Variants in BABAM2 observed in about 807,000 individuals in gnomAD.
The protein encoded by BABAM2 is BRISC and BRCA1 A complex member 2, also known as BRISC and BRCA1-A complex member 2.
Under a neutral mutation model 54.7 loss-of-function variants are expected in BABAM2, and 31 were observed. That is an observed-to-expected ratio of 0.57 (90% CI 0.43 to 0.77). The LOEUF is 0.77. Among genes scored for constraint, BABAM2 ranks in the 30% least tolerant of loss-of-function variants. The probability of loss-of-function intolerance (pLI) is 0.00; values close to 1 mark genes in which losing one functional copy is unlikely to be tolerated. For synonymous variants in BABAM2, 167 were observed against 162.9 expected (o/e 1.03, Z -0.19); for missense variants, 364 against 455.8 (o/e 0.80, Z 1.83).
At chr2:27,894,729 A>G in intron 2 of BABAM2, 45 bp downstream of exon 2, 2 of 1,607,872 alleles carry the variant, frequency 1.2e-6, no homozygotes, top group Non-Finnish European at 1.7e-6. Context: ...AACCAATTCA[A>G]CCTTTACCTA....
chr2:28,136,313 T>C (rs1047107398), intron 7 of BABAM2, among the ~76,000 whole-genome samples: 1 of 152,358 alleles, frequency 6.6e-6, no homozygotes, highest in Non-Finnish European at 1.5e-5. Context: ...ACTTTTTCCC[T>C]GTGTTTATGC....
chr2:28,136,677 T>C (rs1462950987), intron 7 of BABAM2, among the ~76,000 whole-genome samples: 1 of 152,168 alleles, frequency 6.6e-6, no homozygotes, highest in African/African-American at 2.4e-5. Context: ...ATGACTTTGA[T>C]CTTCTGTGAC....
At position 28,177,876 on chromosome 2, in the gene BABAM2, T is replaced by C. The variant is rs180987808; in HGVS notation, c.680+48496T>C. Among the ~76,000 whole-genome samples, 10 of 151,918 alleles carry C rather than the reference T, an allele frequency of 6.6e-5. No homozygotes were observed. The East Asian group carries it at 1.9e-3, about 29-fold the overall frequency. On this transcript the variant is annotated intron_variant, in intron 7 of 11. Coordinates refer to ENST00000379624, the MANE Select transcript of BABAM2 (RefSeq NM_199191.3). ...AATATCAGATAAAACAGACTTTAAGTGAGAAACAGTAAGAAGAGATAAAGA... is the reference window on the plus strand; with the variant it reads ...AATATCAGATAAAACAGACTTTAAGCGAGAAACAGTAAGAAGAGATAAAGA...
intron 6 of BABAM2, among the ~76,000 whole-genome samples, chr2:28,085,224 T>C (rs1210925127): frequency 6.6e-6 from 1 of 152,184 alleles, no homozygotes; most frequent in Admixed American, 6.5e-5. Flanking sequence ...AATACATAAA[T>C]GTAAATTGTT....
chr2:28,164,118 A>G (rs2147822360), intron 7 of BABAM2, among the ~76,000 whole-genome samples: 1 of 152,364 alleles, frequency 6.6e-6, no homozygotes, highest in South Asian at 2.1e-4. Context: ...AGGGATGGAA[A>G]GACAGTGCTA....
chr2:28,239,127 C>T (rs1249014464), intron 8 of BABAM2, among the ~76,000 whole-genome samples: 1 of 152,166 alleles, frequency 6.6e-6, no homozygotes, highest in East Asian at 1.9e-4. Context: ...TTAAACAAAG[C>T]CACTTAAGCA....
chr2:28,081,994 A>G lies in BABAM2; in HGVS notation c.570+36195A>G, dbSNP rs148809417. 7.2e-3 allele frequency among the ~76,000 whole-genome samples: 1,097 copies of G among 152,352 alleles called. 3 individuals are homozygous for G. Among genetic ancestry groups the G allele is most frequent in the Non-Finnish European group, 0.012 (842 of 68,040 alleles). On this transcript the variant is annotated intron_variant, in intron 6 of 11. Coordinates refer to ENST00000379624, the MANE Select transcript of BABAM2 (RefSeq NM_199191.3). ...GCTTTTTAATAATAAATTATTAGTA[A>G]TGAAGTGGAGACAACTTAGAGTTGA...
intron 3 of BABAM2, among the ~76,000 whole-genome samples, chr2:27,983,982 G>T (rs1672216538): frequency 2.5e-5 from 1 of 39,892 alleles, no homozygotes; most frequent in Non-Finnish European, 5.3e-5. Flanking sequence ...TCTTGCTAGA[G>T]CCTCCAGTAT....
intron 4 of BABAM2, among the ~76,000 whole-genome samples, chr2:27,989,420 G>A (rs949259867): frequency 5.9e-5 from 9 of 152,128 alleles, no homozygotes; most frequent in South Asian, 2.1e-4. Flanking sequence ...ATTTCAGGTG[G>A]GGGAATGACA....
At chr2:28,011,187 A>G (rs1215759220) in intron 4 of BABAM2, among the ~76,000 whole-genome samples, 1 of 152,168 alleles carries the variant, frequency 6.6e-6, no homozygotes, top group Non-Finnish European at 1.5e-5. Context: ...GAAACAATGG[A>G]TGTTTACTAA....
chr2:28,145,240 A>G (rs569091703), intron 7 of BABAM2, among the ~76,000 whole-genome samples: 2 of 152,354 alleles, frequency 1.3e-5, no homozygotes, highest in Admixed American at 1.3e-4. Context: ...GATGCCCTGC[A>G]TGTTCTTATA....
In BABAM2 at chr2:28,006,667, AG is replaced by A. The variant is rs1673997938; in HGVS notation, c.301-18558del. On this transcript the variant is annotated intron_variant, in intron 4 of 11. Coordinates refer to ENST00000379624, the MANE Select transcript of BABAM2 (RefSeq NM_199191.3). The stretch of plus-strand genomic sequence containing the variant: ...TTATAAGAATGACCCTTGTTCATCA[AG>A]TAAGGTGAATGATACTAAGTATGCT... Among the ~76,000 whole-genome samples, 3 of 152,056 alleles carry A rather than the reference AG, an allele frequency of 2.0e-5. No individual in the cohort carries two copies. The South Asian group carries it at 6.2e-4, about 31-fold the overall frequency.
intron 3 of BABAM2, among the ~76,000 whole-genome samples, chr2:27,952,156 C>T (rs540001245): frequency 3.9e-5 from 6 of 152,320 alleles, no homozygotes; most frequent in South Asian, 2.1e-4. Flanking sequence ...TAATTTTACA[C>T]GGTACATCTT....
chr2:28,152,531 GT>G (rs1672154005), intron 7 of BABAM2, among the ~76,000 whole-genome samples: 1 of 152,140 alleles, frequency 6.6e-6, no homozygotes, highest in Non-Finnish European at 1.5e-5. Context: ...GTCTTCCTCG[GT>G]TTTACTGTGA....
chr2:28,169,575 G>C (rs929780116), intron 7 of BABAM2, among the ~76,000 whole-genome samples: 1 of 151,982 alleles, frequency 6.6e-6, no homozygotes, highest in Non-Finnish European at 1.5e-5. Flanking sequence ...CCAGGAGTTC[G>C]AGACCAGCCT....
chr2:27,979,254 G>A (rs566962916), intron 3 of BABAM2, among the ~76,000 whole-genome samples: 4 of 151,882 alleles, frequency 2.6e-5, no homozygotes, highest in Admixed American at 1.3e-4. Context: ...GGCTGGTCTC[G>A]AACTCCTCAC....
chr2:28,310,095 A>C (rs1447010369), intron 11 of BABAM2: 2 of 1,614,216 alleles, frequency 1.2e-6, no homozygotes, highest in Non-Finnish European at 1.7e-6. Context: ...AGAGAGCAAC[A>C]GAGATGGGGA....
chr2:28,217,078 A>G (rs2130291), intron 7 of BABAM2, among the ~76,000 whole-genome samples: 113,028 of 151,860 alleles, frequency 0.74, 43,282 homozygotes, highest in East Asian at 0.99. Context: ...GTCTGCCCTC[A>G]TCCATTGTCA....
At chr2:28,157,735 C>T (rs1672685409) in intron 7 of BABAM2, among the ~76,000 whole-genome samples, 1 of 152,200 alleles carries the variant, frequency 6.6e-6, no homozygotes, top group African/African-American at 2.4e-5. Context: ...CCTCAGCCTC[C>T]TGAGTAGCTG....
Sources: allele counts gnomAD v4.1 joint callset (sites outside exome capture counted in the v4.1 genomes callset), GRCh38; gene constraint gnomAD v4.1.1; transcripts MANE v1.5; gene names NCBI Gene and HGNC (gene_info 2026-07-23, HGNC 2026-07-21).